KCNG4: variants seen among roughly 807,000 people sequenced by gnomAD.
KCNG4 encodes potassium voltage-gated channel modifier subfamily G member 4.
KCNG4 carries 30 observed loss-of-function variants against 28.2 expected under a neutral mutation model. That is an observed-to-expected ratio of 1.06 (90% confidence interval 0.80 to 1.44). The LOEUF is 1.44. Among genes scored for constraint, KCNG4 ranks in the 40% most tolerant of loss-of-function variants. The pLI is 0.00. For synonymous variants in KCNG4, 375 were observed against 315.5 expected (o/e 1.19, Z -2.00); for missense variants, 879 against 712.3 (o/e 1.23, Z -2.66).
chr16:84,229,853 C>T (rs903924929), intron 2 of KCNG4, among the ~76,000 whole-genome samples: 24 of 152,182 alleles, frequency 1.6e-4, no homozygotes, highest in African/African-American at 5.5e-4. Context: ...AAAACAAAAG[C>T]AACAAAACTA....
Position 84,226,956 on chromosome 16 carries a change from G to A in KCNG4, c.757-3936C>T, listed in dbSNP as rs944083659. 6.6e-6 allele frequency among the ~76,000 whole-genome samples: 1 copy of A among 151,938 alleles called. No homozygotes were observed. The highest frequency in any genetic ancestry group is 1.5e-5 in the Non-Finnish European group (1 of 67,986). ...GTCATGGAGTCATGGTTTCCCAGAA[G>A]TTCCTTATATTATTCTATTTACCTT... is the stretch of plus-strand genomic sequence containing the variant. On this transcript the variant is annotated intron_variant, in intron 2 of 2. Transcript: ENST00000308251. The surrounding 1 kb of genome is among the most constrained non-coding windows in gnomAD (Gnocchi z 4.1).
intron 2 of KCNG4, chr16:84,235,773 G>A (rs2151340015): frequency 6.6e-6 from 1 of 152,314 alleles, no homozygotes; most frequent in African/African-American, 2.4e-5. Flanking sequence ...TCTCTCTGTT[G>A]ATTACAAGGC....
At chr16:84,229,746 A>G (rs1904782425) in intron 2 of KCNG4, among the ~76,000 whole-genome samples, 1 of 152,208 alleles carries the variant, frequency 6.6e-6, no homozygotes, top group African/African-American at 2.4e-5. Flanking sequence ...GGCAGAGGAA[A>G]CAGTGTCACC....
In KCNG4 at chr16:84,222,691, G is replaced by A. The variant is rs745887659; in HGVS notation, c.1086C>T (p.Leu362=). Residue 362 remains leucine, a synonymous_variant, in exon 3 of 3, where the codon CTC becomes CTT. Coordinates refer to ENST00000308251, the MANE Select transcript of KCNG4 (RefSeq NM_172347.3). ...ACTCACGTGTGCAACGGCGCACGGT[G>A]AGCCCCAGCGTCTGCAGCCCCAGCG... ...RHSLGLQTLG[L]TVRRCTREFG... 6.2e-6 allele frequency: 10 copies of A among 1,613,000 alleles called. No homozygotes were observed. Among genetic ancestry groups the A allele is most frequent in the Non-Finnish European group, 8.5e-6 (10 of 1,179,788 alleles).
rs532992029 is a variant in KCNG4, at chr16:84,223,025, G to A, written c.757-5C>T. 2.4e-5 allele frequency: 37 copies of A among 1,517,372 alleles called. No individual in the cohort carries two copies. In the African/African-American group the frequency reaches 3.6e-4, roughly 15 times the overall value. 94.0% of individuals were successfully genotyped at this position (1,517,372 alleles called of 1,614,324 possible). On this transcript the variant is annotated splice_polypyrimidine_tract_variant and splice_region_variant and intron_variant, in intron 2 of 2. Coordinates refer to ENST00000308251, the MANE Select transcript of KCNG4 (RefSeq NM_172347.3). ...GCACTTCCGAGAGCATTCGCCCTGC[G>A]GGGAGAAGAGGCAACAACGCGGGGT...
At position 84,224,742 on chromosome 16, in the gene KCNG4, TG is replaced by T. The variant is rs1904658913; in HGVS notation, c.757-1723del. Reference sequence around the variant, plus strand: ...AGTCAGAGGCAGCACTGCCAAGGGGTGGAGTCCAGAGTGTTCCAGCCTCTTC... The same window carrying T: ...AGTCAGAGGCAGCACTGCCAAGGGGTGAGTCCAGAGTGTTCCAGCCTCTTC... On this transcript the variant is annotated intron_variant, in intron 2 of 2. Transcript: ENST00000308251. Among the ~76,000 whole-genome samples, 3 of 152,184 alleles carry T rather than the reference TG, an allele frequency of 2.0e-5. No homozygotes were observed. In the South Asian group the frequency reaches 6.2e-4, roughly 32 times the overall value.
chr16:84,238,591 C>G (rs561172744), intron 1 of KCNG4, among the ~76,000 whole-genome samples: 25 of 152,318 alleles, frequency 1.6e-4, no homozygotes, highest in African/African-American at 5.3e-4. Context: ...ATGAAGGGGC[C>G]TCCAGCCGCA....
chr16:84,228,534 C>T (rs926642441), intron 2 of KCNG4, among the ~76,000 whole-genome samples: 2 of 152,124 alleles, frequency 1.3e-5, no homozygotes, highest in Non-Finnish European at 2.9e-5. Context: ...CCCTCCTTTA[C>T]TCCGCTCCCA....
intron 2 of KCNG4, 194 bp downstream of exon 2, chr16:84,236,535 TC>T: frequency 1.3e-6 from 1 of 771,278 alleles, no homozygotes; most frequent in Non-Finnish European, 2.0e-6. Context: ...TTTGCAGGAC[TC>T]CAATAAAAAA....
At chr16:84,228,515 G>T (rs531014472) in intron 2 of KCNG4, among the ~76,000 whole-genome samples, 221 of 151,954 alleles carry the variant, frequency 1.5e-3, no homozygotes, top group Non-Finnish European at 1.4e-3. Flanking sequence ...CGTGCCCTCC[G>T]CTACCCTCCC....
In KCNG4 at chr16:84,222,355, G is replaced by A; in HGVS notation, c.1422C>T (p.Arg474=). ...LKKEQEQLQA[R]LRHLQNTGPA... ...GACCGGTGTTTTGGAGGTGGCGGAG[G>A]CGGGCCTGAAGCTGCTCCTGCTCCT... The change falls in exon 3 of 3, where the codon CGC becomes CGT. Residue 474 remains arginine, a synonymous_variant. Transcript: ENST00000308251. The A allele has an allele frequency of 1.2e-6, 2 of 1,614,118 alleles. No homozygotes were observed. The highest frequency in any genetic ancestry group is 1.7e-6 in the Non-Finnish European group (2 of 1,180,004).
At position 84,218,718 on chromosome 16, in the gene KCNG4, C is replaced by G. The variant is rs574238300; in HGVS notation, c.*3499G>C. 1.3e-5 allele frequency: 2 copies of G among 152,322 alleles called. No homozygotes were observed. Among genetic ancestry groups the G allele is most frequent in the African/African-American group, 4.8e-5 (2 of 41,578 alleles). The allele number at this position is 152,322 out of a possible 1,614,324, so 9.4% of individuals were successfully genotyped here. A position where few individuals can be genotyped will look rare whatever the true frequency, so the allele number is the denominator to read the frequency against. On this transcript the variant is annotated 3_prime_UTR_variant, in exon 3 of 3. Coordinates refer to ENST00000308251, the MANE Select transcript of KCNG4 (RefSeq NM_172347.3). ...TAATTAAGCCCCACATGCGAGCAAT[C>G]AATTCCAATTTTCCATGTCTAATTT...
Position 84,234,499 on chromosome 16 carries a change from C to T in KCNG4, c.756+2231G>A, listed in dbSNP as rs147096466. The stretch of plus-strand genomic sequence containing the variant: ...CAGCCTCCATTGTAATTTGCAATCT[C>T]TGGCACAGACCTTTTACCCCACTAT... On this transcript the variant is annotated intron_variant, in intron 2 of 2. Transcript: ENST00000308251. 8.5e-5 allele frequency among the ~76,000 whole-genome samples: 13 copies of T among 152,308 alleles called. No homozygotes were observed. The East Asian group carries it at 2.5e-3, about 29-fold the overall frequency.
chr16:84,236,902 G>A lies in KCNG4; in HGVS notation c.584C>T (p.Ser195Leu), dbSNP rs754870292. 17 of 1,613,352 alleles carry A rather than the reference G, an allele frequency of 1.1e-5. No homozygotes were observed. The highest frequency in any genetic ancestry group is 4.5e-5 in the East Asian group (2 of 44,884). Residue 195 changes from serine to leucine, a missense_variant, in exon 2 of 3, where the codon TCG becomes TTG. Ser to Leu is a moderately radical substitution (Grantham distance 145, BLOSUM62 -2). Transcript: ENST00000308251. The part of the protein sequence containing the change: ...RQQRETRRPA[S>L]HSSRWGLCMN... ...GCACAGGCCCCAGCGCGAGGAGTGC[G>A]AGGCGGGGCGGCGGGTCTCCCTCTG...
chr16:84,224,807 C>T (rs763774335), intron 2 of KCNG4, among the ~76,000 whole-genome samples: 3 of 152,154 alleles, frequency 2.0e-5, no homozygotes, highest in East Asian at 1.9e-4. Context: ...GTGGCCAGTG[C>T]GAAGCCACAC....
In KCNG4 at chr16:84,236,892, C is replaced by T. The variant is rs762301642; in HGVS notation, c.594G>A (p.Ser198=). Reference sequence around the variant, plus strand: ...GCCGGTTCATGCACAGGCCCCAGCGCGAGGAGTGCGAGGCGGGGCGGCGGG... The same window carrying T: ...GCCGGTTCATGCACAGGCCCCAGCGTGAGGAGTGCGAGGCGGGGCGGCGGG... The part of the protein sequence containing the change: ...RETRRPASHS[S]RWGLCMNRLR... The change falls in exon 2 of 3, where the codon TCG becomes TCA. Residue 198 remains serine, a synonymous_variant. Coordinates refer to ENST00000308251, the MANE Select transcript of KCNG4 (RefSeq NM_172347.3). 5.0e-6 allele frequency: 8 copies of T among 1,613,326 alleles called. No individual in the cohort carries two copies. Among genetic ancestry groups the T allele is most frequent in the Middle Eastern group, 1.6e-4 (1 of 6,084 alleles).
chr16:84,236,311 C>T (rs542148183), intron 2 of KCNG4: 27 of 251,090 alleles, frequency 1.1e-4, no homozygotes, highest in South Asian at 6.9e-4. Context: ...TCAGTAAACA[C>T]ATGTTGAGTT....
rs777359377 is a variant in KCNG4, at chr16:84,236,911, C to T, written c.575G>A (p.Arg192His). The change falls in exon 2 of 3, where the codon CGC (arginine) becomes CAC (histidine). Residue 192 changes from arginine to histidine, a missense_variant. Physicochemically the swap from Arg to His is conservative, Grantham distance 29. Transcript: ENST00000308251. ...DVLRQQRETRRPASHSSRWGL... is the reference protein window; with the variant it reads ...DVLRQQRETRHPASHSSRWGL... ...CCAGCGCGAGGAGTGCGAGGCGGGG[C>T]GGCGGGTCTCCCTCTGCTGCCTCAG... is the stretch of plus-strand genomic sequence containing the variant. 1.5e-5 allele frequency: 24 copies of T among 1,613,356 alleles called. No individual in the cohort carries two copies. The highest frequency in any genetic ancestry group is 6.7e-5 in the East Asian group (3 of 44,884).
Position 84,236,488 on chromosome 16 carries a change from G to A in KCNG4, c.756+242C>T, listed in dbSNP as rs1372723871. On this transcript the variant is annotated intron_variant, in intron 2 of 2. Coordinates refer to ENST00000308251, the MANE Select transcript of KCNG4 (RefSeq NM_172347.3). ...GAGTCCACGCATGGCTGAGGGCCAC[G>A]TAATGATTTTCACGGTGAGCCTTAG... The A allele has an allele frequency of 3.3e-5, 19 of 569,032 alleles. No individual in the cohort carries two copies. The East Asian group carries it at 4.5e-4, about 13-fold the overall frequency. 35.2% of individuals were successfully genotyped at this position (569,032 alleles called of 1,614,324 possible).
Sources: gnomAD v4.1 joint callset for allele counts (sites outside exome capture counted in the v4.1 genomes callset) on GRCh38, gnomAD v4.1.1 for gene constraint, Gnocchi (gnomAD v3.1) non-coding constraint, MANE v1.5 for transcripts, NCBI Gene and HGNC (gene_info 2026-07-23, HGNC 2026-07-21) for gene names.